DIP2C: variants seen among roughly 807,000 people sequenced by gnomAD.
DIP2C encodes the protein disco-interacting protein 2 homolog C.
Under a neutral mutation model 192.4 loss-of-function variants are expected in DIP2C, and 33 were observed. That is an observed-to-expected ratio of 0.17 (90% CI 0.13 to 0.23). DIP2C has a LOEUF of 0.23. DIP2C is among the 10% of genes least tolerant of loss of function. The pLI, the probability that DIP2C is intolerant of heterozygous loss-of-function variation, is 1.00. For missense variants in DIP2C, 1,537 were observed against 2,110.1 expected, an observed-to-expected ratio of 0.73 and a Z score of 5.32; for synonymous variants, 979 against 864.1, an observed-to-expected ratio of 1.13 and a Z score of -2.33.
intron 10 of DIP2C, among the ~76,000 whole-genome samples, chr10:392,745 CTCACAT>C (rs1446858701): frequency 1.6e-4 from 24 of 151,042 alleles, no homozygotes; most frequent in African/African-American, 5.1e-4. Flanking sequence ...CGCGCACACA[CTCACAT>C]ACACACACAC....
chr10:649,969 A>T (rs901201995), intron 1 of DIP2C: 1 of 616,740 alleles, frequency 1.6e-6, no homozygotes, highest in Non-Finnish European at 2.9e-6. Flanking sequence ...ACGGAAAAGG[A>T]AATGTAAGCA....
chr10:292,072 G>C (rs1368509974), intron 32 of DIP2C, among the ~76,000 whole-genome samples: 2 of 152,262 alleles, frequency 1.3e-5, no homozygotes, highest in Admixed American at 1.3e-4. Context: ...GTCCAGCAGA[G>C]CTCACCTTCT....
chr10:457,972 T>C (rs1462811383), intron 3 of DIP2C, among the ~76,000 whole-genome samples: 1 of 152,230 alleles, frequency 6.6e-6, no homozygotes, highest in Non-Finnish European at 1.5e-5. Context: ...TCTGCAGGTC[T>C]GGCAACAGTC....
intron 1 of DIP2C, among the ~76,000 whole-genome samples, chr10:580,229 A>G (rs1407202004): frequency 6.6e-6 from 1 of 151,268 alleles, no homozygotes; most frequent in Non-Finnish European, 1.5e-5. Context: ...ATATGTCAGT[A>G]CACTAACATA....
At chr10:584,974 C>A (rs1018458302) in intron 1 of DIP2C, among the ~76,000 whole-genome samples, 9 of 147,884 alleles carry the variant, frequency 6.1e-5, no homozygotes, top group African/African-American at 1.5e-4. Context: ...CTGACCCCCA[C>A]TCACGCGCAT....
At chr10:289,271 GTTTTTTT>G (rs60832771) in intron 32 of DIP2C, among the ~76,000 whole-genome samples, 1 of 147,280 alleles carries the variant, frequency 6.8e-6, no homozygotes, top group Admixed American at 6.7e-5. Context: ...CCCCAGTGAT[GTTTTTTT>G]TTTTTTAAAG....
intron 28 of DIP2C, among the ~76,000 whole-genome samples, chr10:341,643 A>G (rs1263090142): frequency 1.3e-5 from 2 of 152,184 alleles, no homozygotes; most frequent in Admixed American, 1.3e-4. Flanking sequence ...ACCCAAGGAT[A>G]CCTACAAGAC....
intron 1 of DIP2C, among the ~76,000 whole-genome samples, chr10:568,360 G>C (rs953301335): frequency 1.3e-5 from 2 of 152,168 alleles, no homozygotes; most frequent in Non-Finnish European, 2.9e-5. Context: ...CGTGGGGTGA[G>C]ACGCTGTTCA....
intron 1 of DIP2C, among the ~76,000 whole-genome samples, chr10:542,517 C>T (rs777654013): frequency 1.3e-5 from 2 of 152,202 alleles, no homozygotes; most frequent in Non-Finnish European, 2.9e-5. Context: ...CCACTACGGC[C>T]GACAGCCCAG....
In DIP2C at chr10:636,723, T is replaced by C. The variant is rs548939504; in HGVS notation, c.85+52771A>G. Among the ~76,000 whole-genome samples, 1 of 152,224 alleles carries C rather than the reference T, an allele frequency of 6.6e-6. No homozygotes were observed. The highest frequency in any genetic ancestry group is 1.5e-5 in the Non-Finnish European group (1 of 68,034). ...CACACCCTTTATCTGTGATGACTTTTCGAGAGTCTGGGGCCAACGTCCTGC... is the reference window on the plus strand; with the variant it reads ...CACACCCTTTATCTGTGATGACTTTCCGAGAGTCTGGGGCCAACGTCCTGC... On this transcript the variant is annotated intron_variant, in intron 1 of 36. Transcript: ENST00000280886. This position sits in a 1 kb window ranked among gnomAD's most constrained non-coding sequence, Gnocchi z 4.6.
intron 1 of DIP2C, among the ~76,000 whole-genome samples, chr10:657,203 C>A (rs1290859821): frequency 7.4e-6 from 1 of 135,638 alleles, no homozygotes; most frequent in Non-Finnish European, 1.6e-5. Context: ...CTGGACCTGC[C>A]GCTGGACTTG....
chr10:679,920 G>A (rs558835499), intron 1 of DIP2C, among the ~76,000 whole-genome samples: 1 of 152,360 alleles, frequency 6.6e-6, no homozygotes, highest in South Asian at 2.1e-4. Flanking sequence ...GGACCACATT[G>A]GAGGACAGAG....
chr10:643,566 C>T (rs946793486), intron 1 of DIP2C, among the ~76,000 whole-genome samples: 1 of 152,206 alleles, frequency 6.6e-6, no homozygotes, highest in Non-Finnish European at 1.5e-5. Context: ...CAAGCCCTTG[C>T]CCCAGTCCAC....
rs993357097 is a variant in DIP2C at position 432,736 on chromosome 10, G to A, written c.394+8135C>T. Among the ~76,000 whole-genome samples, 8 of 152,156 alleles carry A rather than the reference G, an allele frequency of 5.3e-5. No homozygotes were observed. The East Asian group carries it at 1.2e-3, about 22-fold the overall frequency. ...GCTGTTCTTTTTCTAGTTTTCTAAG[G>A]TGGGAGCTTATTGATTTCAGATCTT... On this transcript the variant is annotated intron_variant, in intron 4 of 36. Coordinates refer to ENST00000280886, the MANE Select transcript of DIP2C (RefSeq NM_014974.3).
intron 31 of DIP2C, among the ~76,000 whole-genome samples, chr10:312,383 G>T (rs1485891469): frequency 6.6e-6 from 1 of 152,182 alleles, no homozygotes; most frequent in Non-Finnish European, 1.5e-5. Context: ...AAAGTACAAA[G>T]AGTAGAAGAT....
intron 33 of DIP2C, among the ~76,000 whole-genome samples, chr10:287,669 G>GGA (rs34394700): frequency 8.9e-5 from 11 of 124,036 alleles, no homozygotes; most frequent in Non-Finnish European, 1.5e-4. Context: ...GGCCGAAACG[G>GGA]AAAAAAAAAA....
At chr10:303,677 C>T (rs1363182403) in intron 32 of DIP2C, among the ~76,000 whole-genome samples, 1 of 152,094 alleles carries the variant, frequency 6.6e-6, no homozygotes, top group East Asian at 1.9e-4. Context: ...GCATGCGCCA[C>T]CACGCCCGGC....
At chr10:527,749 A>T (rs1847140483) in intron 1 of DIP2C, among the ~76,000 whole-genome samples, 2 of 152,238 alleles carry the variant, frequency 1.3e-5, no homozygotes, top group Non-Finnish European at 2.9e-5. Context: ...GTTGGCCTAG[A>T]ACCACAGGCT....
chr10:305,964 T>A (rs1317206209), intron 32 of DIP2C, among the ~76,000 whole-genome samples: 2 of 70,228 alleles, frequency 2.8e-5, no homozygotes, highest in Non-Finnish European at 5.9e-5. Context: ...CATCTTCAAA[T>A]GCAGACAAAT....
Sources: allele counts gnomAD v4.1 joint callset (sites outside exome capture counted in the v4.1 genomes callset), GRCh38; gene constraint gnomAD v4.1.1; non-coding constraint Gnocchi (gnomAD v3.1); transcripts MANE v1.5; gene names NCBI Gene and HGNC (gene_info 2026-07-23, HGNC 2026-07-21).